MAGI1: variants seen among roughly 807,000 people sequenced by gnomAD.
MAGI1 encodes the protein membrane-associated guanylate kinase, WW and PDZ domain-containing protein 1.
Under a neutral mutation model 139.9 loss-of-function variants are expected in MAGI1, and 58 were observed. The ratio of observed to expected loss-of-function variants is 0.41; its 90% CI spans 0.34 to 0.52. The LOEUF is 0.52. Among genes scored for constraint, MAGI1 ranks in the 20% least tolerant of loss-of-function variants. The probability of loss-of-function intolerance (pLI) is 0.12; values close to 1 mark genes in which losing one functional copy is unlikely to be tolerated. For synonymous variants in MAGI1, 812 were observed against 737.9 expected (o/e 1.10, Z -1.63); for missense variants, 1,874 against 1,901.6 (o/e 0.99, Z 0.27).
intron 12 of MAGI1, among the ~76,000 whole-genome samples, chr3:65,409,725 AG>A (rs892669765): frequency 1.8e-4 from 27 of 152,276 alleles, no homozygotes; most frequent in African/African-American, 6.5e-4. Context: ...CAAGAACATA[AG>A]TATCAGACCC....
intron 1 of MAGI1, among the ~76,000 whole-genome samples, chr3:65,982,338 T>C (rs1221055667): frequency 6.6e-6 from 1 of 152,160 alleles, no homozygotes; most frequent in Non-Finnish European, 1.5e-5. Context: ...GCCCCTTCTT[T>C]GGTGCAAGGT....
chr3:65,978,805 T>G (rs2065399448), intron 1 of MAGI1, among the ~76,000 whole-genome samples: 1 of 152,002 alleles, frequency 6.6e-6, no homozygotes, highest in African/African-American at 2.4e-5. Flanking sequence ...TTTTGTATTT[T>G]TAGTACAGAC....
intron 5 of MAGI1, among the ~76,000 whole-genome samples, chr3:65,454,999 GA>G (rs1949298004): frequency 6.6e-6 from 1 of 152,004 alleles, no homozygotes; most frequent in East Asian, 1.9e-4. Flanking sequence ...ACAGAACTGG[GA>G]ATTAAACCCA....
chr3:65,892,021 C>G (rs957085732), intron 1 of MAGI1, among the ~76,000 whole-genome samples: 2 of 147,200 alleles, frequency 1.4e-5, no homozygotes, highest in Non-Finnish European at 3.0e-5. Context: ...TACACCCCCT[C>G]CCATATTGTT....
At chr3:65,409,155 T>C (rs1393239777) in intron 12 of MAGI1, among the ~76,000 whole-genome samples, 1 of 152,242 alleles carries the variant, frequency 6.6e-6, no homozygotes, top group Non-Finnish European at 1.5e-5. Flanking sequence ...CTCTGCCATA[T>C]GCCTAGCAAA....
chr3:65,802,337 A>G (rs12490107), intron 1 of MAGI1, among the ~76,000 whole-genome samples: 46,525 of 152,006 alleles, frequency 0.31, 7,461 homozygotes, highest in East Asian at 0.45. Context: ...ATTCTATTTG[A>G]TGGGAGGGAT....
At chr3:65,894,469 G>T (rs1024936576) in intron 1 of MAGI1, among the ~76,000 whole-genome samples, 4 of 152,200 alleles carry the variant, frequency 2.6e-5, no homozygotes, top group Non-Finnish European at 5.9e-5. Context: ...ATGCTAAAAG[G>T]ATATCCAAAT....
At chr3:66,017,317 G>A (rs1044657990) in intron 1 of MAGI1, among the ~76,000 whole-genome samples, 3 of 152,224 alleles carry the variant, frequency 2.0e-5, no homozygotes, top group Non-Finnish European at 4.4e-5. Context: ...GAAGCTCCGC[G>A]CTGCAATGAG....
intron 1 of MAGI1, among the ~76,000 whole-genome samples, chr3:65,664,317 G>A (rs1287307925): frequency 6.6e-6 from 1 of 152,166 alleles, no homozygotes; most frequent in East Asian, 1.9e-4. Flanking sequence ...TCTGAGTCTA[G>A]TAACATCATT....
At chr3:65,395,742 C>T (rs1209789810) in intron 13 of MAGI1, among the ~76,000 whole-genome samples, 4 of 151,234 alleles carry the variant, frequency 2.6e-5, no homozygotes, top group Non-Finnish European at 5.9e-5. Context: ...AACTGGGAGG[C>T]CACATAACGC....
chr3:65,433,724 T>A (rs575377369), intron 10 of MAGI1, among the ~76,000 whole-genome samples: 17 of 152,106 alleles, frequency 1.1e-4, no homozygotes, highest in Admixed American at 6.5e-5. Flanking sequence ...CTGATCAGGA[T>A]GTTCTGGGTC....
At chr3:65,666,693 T>C (rs2086549916) in intron 1 of MAGI1, among the ~76,000 whole-genome samples, 2 of 152,188 alleles carry the variant, frequency 1.3e-5, no homozygotes, top group African/African-American at 2.4e-5. Context: ...TGTTATTTTA[T>C]TATCCTGCTG....
At chr3:65,450,120 A>G (rs1032168251) in intron 6 of MAGI1, among the ~76,000 whole-genome samples, 1 of 152,220 alleles carries the variant, frequency 6.6e-6, no homozygotes, top group Non-Finnish European at 1.5e-5. Flanking sequence ...CAGGAACTCA[A>G]TGAGGACTAG....
intron 22 of MAGI1, chr3:65,359,338 G>A: frequency 7.2e-7 from 1 of 1,389,540 alleles, no homozygotes; most frequent in South Asian, 1.8e-5. Context: ...AAATAAGGCT[G>A]CAGAGACCGC....
chr3:65,586,954 C>T (rs1165410110), intron 2 of MAGI1, among the ~76,000 whole-genome samples: 1 of 152,110 alleles, frequency 6.6e-6, no homozygotes, highest in Non-Finnish European at 1.5e-5. Flanking sequence ...ACAGGAGAAG[C>T]TAAAATTTCC....
chr3:65,824,741 AG>A (rs1344906354), intron 1 of MAGI1, among the ~76,000 whole-genome samples: 23 of 152,226 alleles, frequency 1.5e-4, no homozygotes, highest in African/African-American at 5.5e-4. Flanking sequence ...GGTTTTACCC[AG>A]AAAGGCCATG....
At chr3:65,653,319 G>T (rs145147277) in intron 1 of MAGI1, among the ~76,000 whole-genome samples, 1 of 152,016 alleles carries the variant, frequency 6.6e-6, no homozygotes, top group Non-Finnish European at 1.5e-5. Flanking sequence ...CTAATCAGTC[G>T]CTTACCTTCC....
intron 2 of MAGI1, among the ~76,000 whole-genome samples, chr3:65,572,631 T>A (rs1269568431): frequency 2.0e-5 from 3 of 152,098 alleles, no homozygotes; most frequent in Non-Finnish European, 4.4e-5. Context: ...GTTTCTCTGA[T>A]CCTATAAGTA....
intron 1 of MAGI1, among the ~76,000 whole-genome samples, chr3:65,787,900 T>C (rs923601672): frequency 2.0e-5 from 3 of 152,144 alleles, no homozygotes; most frequent in Non-Finnish European, 4.4e-5. Context: ...CTCAGGATGG[T>C]TGAAACCAAG....
Sources: allele counts gnomAD v4.1 joint callset (sites outside exome capture counted in the v4.1 genomes callset), GRCh38; gene constraint gnomAD v4.1.1; transcripts MANE v1.5; gene names NCBI Gene and HGNC (gene_info 2026-07-23, HGNC 2026-07-21).